PRKN: variants seen among roughly 807,000 people sequenced by gnomAD.
PRKN encodes the protein parkin RBR E3 ubiquitin protein ligase, also known as E3 ubiquitin-protein ligase parkin.
PRKN carries 56 observed loss-of-function variants against 59.5 expected under a neutral mutation model. The ratio of observed to expected loss-of-function variants is 0.94; its 90% CI spans 0.76 to 1.18. The LOEUF (loss-of-function observed/expected upper bound fraction) is 1.18. Among genes scored for constraint, PRKN ranks in the 50% most tolerant of loss-of-function variants. The probability of loss-of-function intolerance (pLI) is 0.00; values close to 1 mark genes in which losing one functional copy is unlikely to be tolerated. For missense variants in PRKN, 657 were observed against 596.4 expected (o/e 1.10, Z -1.06); for synonymous variants, 250 against 222.1 (o/e 1.13, Z -1.12).
At chr6:161,949,975 G>A (rs565514845) in intron 6 of PRKN, among the ~76,000 whole-genome samples, 4 of 152,330 alleles carry the variant, frequency 2.6e-5, no homozygotes, top group African/African-American at 7.2e-5. Context: ...CAAAGTAAAA[G>A]GAAGGTGGGA....
chr6:162,473,629 T>C (rs557248668), intron 1 of PRKN, among the ~76,000 whole-genome samples: 36 of 152,336 alleles, frequency 2.4e-4, no homozygotes, highest in African/African-American at 6.5e-4. Context: ...ATAATCAATA[T>C]AGGAGGTATT....
At chr6:162,445,806 G>C (rs1486720273) in intron 1 of PRKN, among the ~76,000 whole-genome samples, 12 of 150,670 alleles carry the variant, frequency 8.0e-5, no homozygotes, top group Non-Finnish European at 1.8e-4. Context: ...TCCCTATATG[G>C]GTGTGCAGTA....
chr6:162,593,708 C>T (rs965670879), intron 1 of PRKN, among the ~76,000 whole-genome samples: 5 of 152,130 alleles, frequency 3.3e-5, no homozygotes, highest in Non-Finnish European at 7.3e-5. Context: ...AACTCAAGGG[C>T]AGTCACACCC....
chr6:162,580,440 G>GAAA (rs56059992), intron 1 of PRKN, among the ~76,000 whole-genome samples: 2 of 120,572 alleles, frequency 1.7e-5, no homozygotes, highest in Non-Finnish European at 3.4e-5. Flanking sequence ...CCCTGTCTCA[G>GAAA]AAAAAAAAAA....
At chr6:162,043,580 C>T (rs1342328538) in intron 5 of PRKN, among the ~76,000 whole-genome samples, 1 of 152,218 alleles carries the variant, frequency 6.6e-6, no homozygotes, top group East Asian at 1.9e-4. Flanking sequence ...ATCCCAAACT[C>T]TCAATCCAGT....
At chr6:161,714,943 C>T (rs2128183510) in intron 7 of PRKN, among the ~76,000 whole-genome samples, 1 of 152,284 alleles carries the variant, frequency 6.6e-6, no homozygotes, top group East Asian at 1.9e-4. Context: ...GCCTGCACAT[C>T]TTTCAAATAC....
At position 161,582,963 on chromosome 6, in the gene PRKN, C is replaced by T. The variant is rs1279082711; in HGVS notation, c.872-13547G>A. ...AACCAGCATCTTTCCAGTGAGATGG[C>T]CTATTCCAACACACACACACACACA... On this transcript the variant is annotated intron_variant, in intron 7 of 11. Transcript: ENST00000366898. The surrounding 1 kb of genome is among the most constrained non-coding windows in gnomAD (Gnocchi z 4.4). Among the ~76,000 whole-genome samples the T allele has an allele frequency of 1.5e-5, 2 of 133,000 alleles. No individual in the cohort carries two copies. The highest frequency in any genetic ancestry group is 3.1e-5 in the Non-Finnish European group (2 of 64,772). The allele number at this position is 133,000 out of a possible 152,430, so 87.3% of individuals were successfully genotyped here.
chr6:161,360,295 C>T lies in PRKN; in HGVS notation c.1168-90G>A, dbSNP rs1476525397. On this transcript the variant is annotated intron_variant, in intron 10 of 11. Coordinates refer to ENST00000366898, the MANE Select transcript of PRKN (RefSeq NM_004562.3). The surrounding 1 kb of genome is among the most constrained non-coding windows in gnomAD (Gnocchi z 5.1). ...TCCCTGTACGTCGGTACAGGAAATT[C>T]TTGAAGACAGGAGTGCCTTCGGGCA... The T allele has an allele frequency of 1.9e-6, 2 of 1,067,626 alleles. No homozygotes were observed. Among genetic ancestry groups the T allele is most frequent in the African/African-American group, 1.5e-5 (1 of 64,620 alleles). The allele number at this position is 1,067,626 out of a possible 1,614,324, so 66.1% of individuals were successfully genotyped here.
intron 8 of PRKN, among the ~76,000 whole-genome samples, chr6:161,559,819 G>A (rs893332250): frequency 1.3e-5 from 2 of 152,124 alleles, no homozygotes; most frequent in African/African-American, 4.8e-5. Flanking sequence ...GAACTTGGAT[G>A]AACCAAAATA....
At chr6:162,292,798 C>A (rs1781503005) in intron 2 of PRKN, among the ~76,000 whole-genome samples, 1 of 152,076 alleles carries the variant, frequency 6.6e-6, no homozygotes, top group African/African-American at 2.4e-5. Context: ...CCCCAGATCT[C>A]TTTGATTAGG....
At position 161,810,542 on chromosome 6, in the gene PRKN, C is replaced by T. The variant is rs377691375; in HGVS notation, c.735-24634G>A. ...CGTTTCATCATTTTATACCCATATACAAAAGCTTTTTTTCTGAAACAGAAA... is the reference window on the plus strand; with the variant it reads ...CGTTTCATCATTTTATACCCATATATAAAAGCTTTTTTTCTGAAACAGAAA... On this transcript the variant is annotated intron_variant, in intron 6 of 11. Transcript: ENST00000366898. 5.9e-5 allele frequency among the ~76,000 whole-genome samples: 9 copies of T among 152,270 alleles called. No homozygotes were observed. The East Asian group carries it at 1.2e-3, about 20-fold the overall frequency.
At chr6:162,717,505 G>C (rs1778774654) in intron 1 of PRKN, among the ~76,000 whole-genome samples, 1 of 149,820 alleles carries the variant, frequency 6.7e-6, no homozygotes, top group South Asian at 2.1e-4. Context: ...ATTCAAGGTT[G>C]CAGTGAGCTG....
rs576788693 is a variant in PRKN at position 161,417,014 on chromosome 6, G to A, written c.1084-30137C>T. Among the ~76,000 whole-genome samples, 28 of 152,294 alleles carry A rather than the reference G, an allele frequency of 1.8e-4. No individual in the cohort carries two copies. The highest frequency in any genetic ancestry group is 6.3e-4 in the African/African-American group (26 of 41,556). ...GGAGGAAAGAACTCTGGAGGGAGAT[G>A]GGGCCGAGGAAGGAGTAGGAGGTGT... On this transcript the variant is annotated intron_variant, in intron 9 of 11. Coordinates refer to ENST00000366898, the MANE Select transcript of PRKN (RefSeq NM_004562.3). The surrounding 1 kb of genome is among the most constrained non-coding windows in gnomAD (Gnocchi z 5.4).
chr6:162,529,133 T>G (rs1266673676), intron 1 of PRKN, among the ~76,000 whole-genome samples: 1 of 152,134 alleles, frequency 6.6e-6, no homozygotes, highest in Non-Finnish European at 1.5e-5. Flanking sequence ...CTCGGTCTCC[T>G]CAAGTGTTGG....
chr6:161,819,605 C>G (rs531999658), intron 6 of PRKN, among the ~76,000 whole-genome samples: 1 of 152,196 alleles, frequency 6.6e-6, no homozygotes, highest in Admixed American at 6.5e-5. Context: ...ATCAAATTCC[C>G]AAATTAAATA....
chr6:162,463,023 C>T (rs942734464), intron 1 of PRKN, among the ~76,000 whole-genome samples: 7 of 151,894 alleles, frequency 4.6e-5, no homozygotes, highest in South Asian at 2.1e-4. Context: ...GAGCTGAGAT[C>T]GCACCATTGC....
chr6:162,290,077 T>C (rs956394664), intron 2 of PRKN, among the ~76,000 whole-genome samples: 1 of 152,216 alleles, frequency 6.6e-6, no homozygotes, highest in Non-Finnish European at 1.5e-5. Flanking sequence ...TCGCCTCCTA[T>C]GTCCTGAGCA....
intron 7 of PRKN, among the ~76,000 whole-genome samples, chr6:161,645,214 T>C (rs1006221741): frequency 6.7e-6 from 1 of 149,714 alleles, no homozygotes; most frequent in African/African-American, 2.5e-5. Context: ...TACGGAATAA[T>C]CTCAGGACTA....
At chr6:162,338,076 T>C (rs1783929629) in intron 2 of PRKN, among the ~76,000 whole-genome samples, 2 of 152,154 alleles carry the variant, frequency 1.3e-5, no homozygotes, top group African/African-American at 2.4e-5. Flanking sequence ...CTTTGATAAA[T>C]AACTCTGTAC....
Sources: gnomAD v4.1 joint callset for allele counts (sites outside exome capture counted in the v4.1 genomes callset) on GRCh38, gnomAD v4.1.1 for gene constraint, Gnocchi (gnomAD v3.1) non-coding constraint, MANE v1.5 for transcripts, NCBI Gene and HGNC (gene_info 2026-07-23, HGNC 2026-07-21) for gene names.